The following ZFHX4 variants were observed in gnomAD, a reference collection of about 807,000 sequenced individuals.
ZFHX4 encodes the protein zinc finger homeobox 4.
ZFHX4 carries 56 observed loss-of-function variants against 267.6 expected under a neutral mutation model. That is an observed-to-expected ratio of 0.21 (90% CI 0.17 to 0.26). The LOEUF (loss-of-function observed/expected upper bound fraction) is 0.26, where lower values mean the gene tolerates loss of function less well. Ranked by LOEUF, ZFHX4 falls within the 10% of genes least tolerant of loss-of-function variation. ZFHX4 has a pLI of 1.00. For missense variants in ZFHX4, 4,332 were observed against 4,420.0 expected (o/e 0.98, Z 0.56); for synonymous variants, 1,778 against 1,665.6 (o/e 1.07, Z -1.64).
rs1227747539 is a variant in ZFHX4, at chr8:76,852,562, G to A, written c.5641G>A (p.Glu1881Lys). 1 of 1,611,244 alleles carries A rather than the reference G, an allele frequency of 6.2e-7. No homozygotes were observed. The highest frequency in any genetic ancestry group is 1.7e-5 in the Admixed American group (1 of 59,586). ...EFISEGEGLK[E>K]GKDTKKQKSL... ...TATAAGTGAAGGTGAAGGACTCAAA[G>A]AAGGCAAAGACACAAAGAAGCAAAA... Residue 1881 changes from glutamate (E) to lysine (K), a missense_variant, in exon 10 of 11, where the codon GAA becomes AAA. Glu to Lys is a moderately conservative substitution (Grantham distance 56). Transcript: ENST00000651372.
At chr8:76,841,908 C>T (rs1291813852) in intron 5 of ZFHX4, among the ~76,000 whole-genome samples, 1 of 152,128 alleles carries the variant, frequency 6.6e-6, no homozygotes, top group African/African-American at 2.4e-5. Context: ...GCTACACAGC[C>T]CCAGCATAGA....
chr8:76,683,636 GA>G (rs1807610532), intron 1 of ZFHX4: 4 of 137,474 alleles, frequency 2.9e-5, no homozygotes, highest in South Asian at 2.2e-4. Context: ...GAGAGGAAGA[GA>G]GAGAGGGGGG....
intron 3 of ZFHX4, among the ~76,000 whole-genome samples, chr8:76,756,706 G>A (rs1402747504): frequency 3.3e-5 from 5 of 151,910 alleles, no homozygotes; most frequent in African/African-American, 1.2e-4. Context: ...ATAAATGTCT[G>A]TCTTTTCCCT....
intron 3 of ZFHX4, among the ~76,000 whole-genome samples, chr8:76,744,306 A>G (rs1809399308): frequency 6.6e-6 from 1 of 152,110 alleles, no homozygotes; most frequent in African/African-American, 2.4e-5. Flanking sequence ...AGATCATGCC[A>G]CTGCACTTTA....
rs758923694 is a variant in ZFHX4, at chr8:76,853,167, G to T, written c.6246G>T (p.Met2082Ile). Reference sequence around the variant, plus strand: ...ACCTGCCGCTCTTTCCTTCCATTATGATGCAACCTGTGCAACACCCTGCGC... The same window carrying T: ...ACCTGCCGCTCTTTCCTTCCATTATTATGCAACCTGTGCAACACCCTGCGC... The part of the protein sequence containing the change: ...SLDLPLFPSI[M>I]MQPVQHPALP... The change falls in exon 10 of 11, where the codon ATG (methionine) becomes ATT (isoleucine). Residue 2082 changes from methionine to isoleucine, a missense_variant. Met to Ile is a conservative substitution (Grantham distance 10, BLOSUM62 1). Transcript: ENST00000651372. The T allele has an allele frequency of 1.9e-6, 3 of 1,539,608 alleles. No individual in the cohort carries two copies. In the African/African-American group the frequency reaches 4.2e-5, roughly 21 times the overall value.
In ZFHX4 at chr8:76,851,631, A is replaced by G. The variant is rs1287789784; in HGVS notation, c.4710A>G (p.Lys1570=). ...CAGTTTCTCACTTGCATAAGCTGAA[A>G]AAAGTTTTGCAGGAAGCCTCCAGTC... ...YNSVSHLHKL[K]KVLQEASSPV... is the part of the protein sequence containing the mutation. Residue 1570 remains lysine (K), a synonymous_variant, in exon 10 of 11, where the codon AAA becomes AAG. Transcript: ENST00000651372. 1 of 1,613,848 alleles carries G rather than the reference A, an allele frequency of 6.2e-7. No individual in the cohort carries two copies. Among genetic ancestry groups the G allele is most frequent in the South Asian group, 1.1e-5 (1 of 91,068 alleles).
intron 1 of ZFHX4, among the ~76,000 whole-genome samples, chr8:76,696,632 G>A (rs1440804152): frequency 4.5e-5 from 5 of 112,316 alleles, no homozygotes; most frequent in South Asian, 2.6e-4. Context: ...TTACTTTCAG[G>A]CCAAAAAAAA....
chr8:76,850,735 A>G (rs955503379), intron 9 of ZFHX4, 151 bp from the exon 10 acceptor site: 64 of 955,010 alleles, frequency 6.7e-5, no homozygotes, highest in Admixed American at 3.3e-5. Flanking sequence ...TACCCAGTCC[A>G]GTGCTTGCCA....
At chr8:76,762,610 A>T (rs1368363305) in intron 3 of ZFHX4, among the ~76,000 whole-genome samples, 2 of 152,182 alleles carry the variant, frequency 1.3e-5, no homozygotes, top group Non-Finnish European at 2.9e-5. Context: ...CAAATTTTTT[A>T]AAATTACCAA....
intron 3 of ZFHX4, among the ~76,000 whole-genome samples, chr8:76,772,524 G>A (rs1405772856): frequency 1.3e-5 from 2 of 152,080 alleles, no homozygotes; most frequent in Non-Finnish European, 2.9e-5. Context: ...GAGGGACATA[G>A]GTGAGCTGTA....
Position 76,852,575 on chromosome 8 carries a change from C to T in ZFHX4, c.5654C>T (p.Thr1885Ile). The change falls in exon 10 of 11, where the codon ACA (threonine) becomes ATA (isoleucine). Residue 1885 changes from threonine (T) to isoleucine (I), a missense_variant. Around this residue, in one of 7 missense-constraint regions of ZFHX4, gnomAD observed 1,371 missense variants for 1,423.1 expected, o/e 0.96. Transcript: ENST00000651372. ...GAAGGACTCAAAGAAGGCAAAGACA[C>T]AAAGAAGCAAAAATCCTTGGAACCA... Reference protein sequence around the residue: ...EGEGLKEGKDTKKQKSLEPSI... With the variant: ...EGEGLKEGKDIKKQKSLEPSI... 2.5e-6 allele frequency: 4 copies of T among 1,611,318 alleles called. No homozygotes were observed. The highest frequency in any genetic ancestry group is 3.4e-6 in the Non-Finnish European group (4 of 1,178,572).
chr8:76,853,038 A>G lies in ZFHX4; in HGVS notation c.6117A>G (p.Pro2039=), dbSNP rs1266203369. 1 of 1,169,432 alleles carries G rather than the reference A, an allele frequency of 8.6e-7. No individual in the cohort carries two copies. The highest frequency in any genetic ancestry group is 1.8e-5 in the African/African-American group (1 of 55,256). The allele number at this position is 1,169,432 out of a possible 1,614,324, so 72.4% of individuals were successfully genotyped here. A position where few individuals can be genotyped will look rare whatever the true frequency, so the allele number is the denominator to read the frequency against. ...NTVSTPLQAP[P]PTPPPPPPPP... Reference sequence around the variant, plus strand: ...TTTCTACTCCTCTGCAAGCTCCACCACCCACTCCTCCCCCACCACCACCAC... The same window carrying G: ...TTTCTACTCCTCTGCAAGCTCCACCGCCCACTCCTCCCCCACCACCACCAC... Residue 2039 remains proline, a synonymous_variant, in exon 10 of 11, where the codon CCA becomes CCG. Transcript: ENST00000651372.
At chr8:76,730,778 A>T (rs1346019644) in intron 3 of ZFHX4, among the ~76,000 whole-genome samples, 1 of 152,138 alleles carries the variant, frequency 6.6e-6, no homozygotes, top group Non-Finnish European at 1.5e-5. Context: ...CTGGTCCTTG[A>T]CTTGGGGATG....
Position 76,835,229 on chromosome 8 carries a change from A to ATATATG in ZFHX4, c.3394+1828_3394+1829insGTATAT, listed in dbSNP as rs1554572156. Among the ~76,000 whole-genome samples the ATATATG allele has an allele frequency of 7.7e-5, 7 of 90,760 alleles. 1 individual carries two copies. Among genetic ancestry groups the ATATATG allele is most frequent in the African/African-American group, 4.5e-4 (7 of 15,420 alleles). 59.5% of individuals were successfully genotyped at this position (90,760 alleles called of 152,430 possible). A position where few individuals can be genotyped will look rare whatever the true frequency, so the allele number is the denominator to read the frequency against. ...TTGGTGTATATATATGTATATATAT[A>ATATATG]TATATATATATGTATATATATATAT... On this transcript the variant is annotated intron_variant, in intron 5 of 10. Coordinates refer to ENST00000651372, the MANE Select transcript of ZFHX4 (RefSeq NM_024721.5).
Position 76,705,703 on chromosome 8 carries a change from A to C in ZFHX4, c.1615A>C (p.Thr539Pro). 1 of 1,613,978 alleles carries C rather than the reference A, an allele frequency of 6.2e-7. No individual in the cohort carries two copies. The highest frequency in any genetic ancestry group is 1.6e-4 in the Middle Eastern group (1 of 6,062). The stretch of plus-strand genomic sequence containing the variant: ...TGATGACACAGAAAAGAAAAAACAG[A>C]CTGCTGCTGTTAGGGCCAGTGGCAG... ...VSDDTEKKKQ[T>P]AAVRASGSVA... The change falls in exon 2 of 11, where the codon ACT (threonine) becomes CCT (proline). Residue 539 changes from threonine (T) to proline (P), a missense_variant. Physicochemically the swap from Thr to Pro is conservative, Grantham distance 38. Around this residue, in one of 7 missense-constraint regions of ZFHX4, gnomAD observed 1,195 missense variants for 1,173.6 expected, o/e 1.02. Transcript: ENST00000651372.
At chr8:76,861,304 A>T (rs1812860337) in intron 10 of ZFHX4, among the ~76,000 whole-genome samples, 1 of 152,182 alleles carries the variant, frequency 6.6e-6, no homozygotes, top group Non-Finnish European at 1.5e-5. Flanking sequence ...ACCAGAAGAT[A>T]AATTGGAGTG....
At chr8:76,730,125 G>C (rs763379026) in intron 3 of ZFHX4, among the ~76,000 whole-genome samples, 28 of 152,244 alleles carry the variant, frequency 1.8e-4, no homozygotes, top group Non-Finnish European at 3.4e-4. Context: ...AATTCATCTT[G>C]AATCAGAAGG....
At chr8:76,686,740 T>A (rs540380725) in intron 1 of ZFHX4, among the ~76,000 whole-genome samples, 5 of 152,320 alleles carry the variant, frequency 3.3e-5, no homozygotes, top group Admixed American at 2.0e-4. Flanking sequence ...TGCCTTCCTT[T>A]GAGAAGATAC....
At position 76,707,564 on chromosome 8, in the gene ZFHX4, C is replaced by G; in HGVS notation, c.2609C>G (p.Pro870Arg). 1 of 1,585,290 alleles carries G rather than the reference C, an allele frequency of 6.3e-7. No homozygotes were observed. The highest frequency in any genetic ancestry group is 8.6e-7 in the Non-Finnish European group (1 of 1,163,282). The change falls in exon 3 of 11, where the codon CCT (proline) becomes CGT (arginine). Residue 870 changes from proline (P) to arginine (R), a missense_variant. By Grantham distance (103) the Pro-to-Arg change is moderately radical (BLOSUM62 -2). This residue lies in a region of ZFHX4 where 1,195 missense variants were observed against 1,173.6 expected (regional missense o/e 1.02). Transcript: ENST00000651372. Reference sequence around the variant, plus strand: ...CCTGTAGTAAATAATGAGCTGCCGCCTGAAATCCGGCTTGCCAGTGGTCAG... The same window carrying G: ...CCTGTAGTAAATAATGAGCTGCCGCGTGAAATCCGGCTTGCCAGTGGTCAG... ...APGLVNNELP[P>R]EIRLASGQLM...
Sources: allele counts gnomAD v4.1 joint callset (sites outside exome capture counted in the v4.1 genomes callset), GRCh38; gene constraint gnomAD v4.1.1; regional missense constraint gnomAD v4.1.1; transcripts MANE v1.5; gene names NCBI Gene and HGNC (gene_info 2026-07-23, HGNC 2026-07-21).